Variants in NKAIN2 observed in about 807,000 individuals in gnomAD.
NKAIN2 encodes sodium/potassium-transporting ATPase subunit beta-1-interacting protein 2.
Under a neutral mutation model 32.6 loss-of-function variants are expected in NKAIN2, and 14 were observed. The observed-to-expected ratio is 0.43, with a 90% confidence interval of 0.28 to 0.67. The LOEUF (loss-of-function observed/expected upper bound fraction) is 0.67. Ranked by LOEUF, NKAIN2 falls within the 30% of genes least tolerant of loss-of-function variation. The pLI is 0.17. For synonymous variants in NKAIN2, 80 were observed against 87.2 expected, an observed-to-expected ratio of 0.92 and a Z score of 0.46; for missense variants, 198 against 258.3, an observed-to-expected ratio of 0.77 and a Z score of 1.60.
At chr6:124,214,140 A>G (rs1430300758) in intron 1 of NKAIN2, among the ~76,000 whole-genome samples, 1 of 152,156 alleles carries the variant, frequency 6.6e-6, no homozygotes, top group Admixed American at 6.6e-5. Context: ...CAATTCACAT[A>G]TTGTAAATAT....
intron 2 of NKAIN2, among the ~76,000 whole-genome samples, chr6:124,323,993 G>A (rs939576396): frequency 5.3e-5 from 8 of 151,858 alleles, no homozygotes; most frequent in South Asian, 4.2e-4. Flanking sequence ...GGGTTACACC[G>A]TGTTAGCCAG....
At chr6:124,504,158 C>G (rs1583349791) in intron 3 of NKAIN2, among the ~76,000 whole-genome samples, 1 of 152,106 alleles carries the variant, frequency 6.6e-6, no homozygotes, top group African/African-American at 2.4e-5. Flanking sequence ...TGTACACCAA[C>G]AATATACACC....
intron 1 of NKAIN2, among the ~76,000 whole-genome samples, chr6:124,030,493 A>C (rs1166866074): frequency 1.3e-5 from 2 of 152,160 alleles, no homozygotes; most frequent in African/African-American, 4.8e-5. Context: ...AGTGGTTCTT[A>C]CTATGTAGAA....
chr6:124,536,729 G>A (rs373463174), intron 3 of NKAIN2, among the ~76,000 whole-genome samples: 1 of 152,216 alleles, frequency 6.6e-6, no homozygotes, highest in East Asian at 1.9e-4. Context: ...CCTCTCTCAC[G>A]CTTCTTTGCT....
At chr6:124,063,124 G>T (rs912123838) in intron 1 of NKAIN2, among the ~76,000 whole-genome samples, 5 of 151,942 alleles carry the variant, frequency 3.3e-5, no homozygotes, top group Admixed American at 3.3e-4. Flanking sequence ...GGCGGAGGTT[G>T]CAGTGAGCCG....
intron 4 of NKAIN2, among the ~76,000 whole-genome samples, chr6:124,677,721 A>G (rs548772158): frequency 1.3e-5 from 2 of 152,222 alleles, no homozygotes; most frequent in East Asian, 3.9e-4. Flanking sequence ...TTTTACTTCT[A>G]TGTCAGAATT....
chr6:124,013,316 A>G (rs1252890255), intron 1 of NKAIN2, among the ~76,000 whole-genome samples: 2 of 152,204 alleles, frequency 1.3e-5, no homozygotes, highest in Admixed American at 1.3e-4. Flanking sequence ...TTGATGAAGT[A>G]AATTTTATCA....
At chr6:124,242,186 TAAAC>T (rs776027154) in intron 1 of NKAIN2, among the ~76,000 whole-genome samples, 26 of 152,122 alleles carry the variant, frequency 1.7e-4, no homozygotes, top group Admixed American at 1.2e-3. Flanking sequence ...ACAAGGAAGT[TAAAC>T]AAATTTACAA....
At chr6:124,786,466 G>T (rs187686566) in intron 4 of NKAIN2, among the ~76,000 whole-genome samples, 28 of 152,112 alleles carry the variant, frequency 1.8e-4, no homozygotes, top group African/African-American at 6.7e-4. Flanking sequence ...TTACCAAAAG[G>T]CTTTGGTTTC....
intron 1 of NKAIN2, among the ~76,000 whole-genome samples, chr6:123,930,567 A>G (rs182913790): frequency 6.6e-6 from 1 of 152,328 alleles, no homozygotes; most frequent in East Asian, 1.9e-4. Flanking sequence ...ATGTATTTTG[A>G]ATTCTACAAA....
chr6:123,872,680 C>T (rs1772956566), intron 1 of NKAIN2, among the ~76,000 whole-genome samples: 1 of 152,196 alleles, frequency 6.6e-6, no homozygotes, highest in Non-Finnish European at 1.5e-5. Context: ...AGTTGATAAT[C>T]ACCAAGAATG....
At chr6:124,553,310 T>G (rs1780358236) in intron 3 of NKAIN2, among the ~76,000 whole-genome samples, 1 of 152,186 alleles carries the variant, frequency 6.6e-6, no homozygotes, top group African/African-American at 2.4e-5. Context: ...TTTTTATTTT[T>G]TGGTTTTTGT....
At chr6:124,625,893 A>C (rs1210452739) in intron 3 of NKAIN2, among the ~76,000 whole-genome samples, 1 of 151,026 alleles carries the variant, frequency 6.6e-6, no homozygotes, top group African/African-American at 2.4e-5. Context: ...CTAACAAACA[A>C]ACATATTGTG....
At chr6:124,101,454 T>C (rs1212333188) in intron 1 of NKAIN2, among the ~76,000 whole-genome samples, 7 of 152,196 alleles carry the variant, frequency 4.6e-5, no homozygotes, top group Non-Finnish European at 7.3e-5. Context: ...AGACATCTAA[T>C]TAGCTAGATC....
intron 3 of NKAIN2, among the ~76,000 whole-genome samples, chr6:124,488,414 A>G (rs1371541101): frequency 2.0e-5 from 3 of 152,028 alleles, no homozygotes; most frequent in African/African-American, 7.2e-5. Context: ...CAGAAATTAC[A>G]ATGAAAAAAA....
At chr6:124,315,620 G>T (rs1204159500) in intron 2 of NKAIN2, among the ~76,000 whole-genome samples, 2 of 152,060 alleles carry the variant, frequency 1.3e-5, no homozygotes. Context: ...ATTGGCAAAG[G>T]ATTAATTTTC....
intron 1 of NKAIN2, among the ~76,000 whole-genome samples, chr6:124,005,925 G>A (rs1283140178): frequency 6.6e-6 from 1 of 151,978 alleles, no homozygotes. Context: ...TTTGAGACAG[G>A]CCCTTGTCAT....
intron 1 of NKAIN2, among the ~76,000 whole-genome samples, chr6:123,980,216 C>A (rs7758140): frequency 0.051 from 7,760 of 152,200 alleles, 682 homozygotes; most frequent in African/African-American, 0.18. Context: ...AGTGTAGTAA[C>A]ACTTCCAAGA....
At chr6:123,925,061 C>A (rs959310693) in intron 1 of NKAIN2, among the ~76,000 whole-genome samples, 1 of 152,022 alleles carries the variant, frequency 6.6e-6, no homozygotes, top group Non-Finnish European at 1.5e-5. Context: ...ACTTTTCATC[C>A]AGAATGGAAT....
Sources: gnomAD v4.1 joint callset for allele counts (sites outside exome capture counted in the v4.1 genomes callset) on GRCh38, gnomAD v4.1.1 for gene constraint, MANE v1.5 for transcripts, NCBI Gene and HGNC (gene_info 2026-07-23, HGNC 2026-07-21) for gene names.